Variants in NAA60 observed in about 807,000 individuals in gnomAD.
The protein encoded by NAA60 is N-alpha-acetyltransferase 60.
In NAA60, 8 loss-of-function variants were observed where a neutral mutation model predicts 26.1. The observed-to-expected ratio is 0.31, with a 90% CI of 0.18 to 0.55. The LOEUF is 0.55. Among genes scored for constraint, NAA60 ranks in the 20% least tolerant of loss-of-function variants. The pLI is 0.93. For missense variants in NAA60, 290 were observed against 311.3 expected, an observed-to-expected ratio of 0.93 and a Z score of 0.51; for synonymous variants, 131 against 122.5, an observed-to-expected ratio of 1.07 and a Z score of -0.46.
intron 2 of NAA60, 22 bp downstream of exon 2, chr16:3,448,562 CCTG>C: frequency 6.5e-7 from 1 of 1,531,450 alleles, no homozygotes. Flanking sequence ...CGCTCTGTGT[CCTG>C]CTATTAATGA....
intron 2 of NAA60, chr16:3,450,216 C>T: frequency 2.9e-6 from 1 of 344,638 alleles, no homozygotes; most frequent in Non-Finnish European, 5.2e-6. Flanking sequence ...CTTTTCTGCT[C>T]TTCTGGGAGT....
intron 2 of NAA60, among the ~76,000 whole-genome samples, chr16:3,465,374 C>A (rs765401625): frequency 7.4e-6 from 1 of 134,478 alleles, no homozygotes; most frequent in Non-Finnish European, 1.7e-5. Context: ...GTTTAGCGTT[C>A]TGTCCTTCTC....
At position 3,480,096 on chromosome 16, in the gene NAA60, C is replaced by G. The variant is rs566372737; in HGVS notation, c.240+496C>G. On this transcript the variant is annotated intron_variant, in intron 4 of 7. Transcript: ENST00000407558. ...GGACCCACCTCAGTCTCACTTCAGG[C>G]TAGCAAACCCCAGTCTGAATGTAAA... is the stretch of plus-strand genomic sequence containing the variant. Among the ~76,000 whole-genome samples, 3 of 152,148 alleles carry G rather than the reference C, an allele frequency of 2.0e-5. 1 individual carries two copies. The South Asian group carries it at 6.2e-4, about 32-fold the overall frequency.
intron 2 of NAA60, among the ~76,000 whole-genome samples, chr16:3,464,859 C>G (rs991661742): frequency 6.6e-6 from 1 of 152,210 alleles, no homozygotes; most frequent in African/African-American, 2.4e-5. Flanking sequence ...AAAGGTGATG[C>G]TTTGGCAGCC....
intron 2 of NAA60, among the ~76,000 whole-genome samples, chr16:3,453,923 G>A (rs897259203): frequency 1.3e-5 from 2 of 152,106 alleles, no homozygotes; most frequent in Non-Finnish European, 2.9e-5. Context: ...TAGGGCCATT[G>A]GTGTCCAGGA....
intron 1 of NAA60, among the ~76,000 whole-genome samples, chr16:3,447,986 T>A (rs903902704): frequency 5.9e-5 from 9 of 152,138 alleles, no homozygotes; most frequent in Non-Finnish European, 1.2e-4. Context: ...CAGAGGTGCT[T>A]CCAGAGAAAG....
At chr16:3,462,027 CA>C (rs2035432185) in intron 2 of NAA60, among the ~76,000 whole-genome samples, 1 of 134,668 alleles carries the variant, frequency 7.4e-6, no homozygotes, top group Non-Finnish European at 1.5e-5. Context: ...GTGGAGGTTG[CA>C]GTAAGTTGAG....
chr16:3,458,262 C>A, intron 2 of NAA60: 1 of 898,322 alleles, frequency 1.1e-6, no homozygotes, highest in Non-Finnish European at 1.3e-6. Flanking sequence ...GAGGCCGCGC[C>A]GGGGTCAGGG....
chr16:3,463,085 G>A (rs569919001), intron 2 of NAA60, among the ~76,000 whole-genome samples: 1 of 152,068 alleles, frequency 6.6e-6, no homozygotes, highest in Admixed American at 6.5e-5. Flanking sequence ...ATTTATTTCC[G>A]GGATGAGTGC....
intron 2 of NAA60, among the ~76,000 whole-genome samples, chr16:3,473,777 C>T (rs2150998070): frequency 6.6e-6 from 1 of 152,094 alleles, no homozygotes; most frequent in South Asian, 2.1e-4. Context: ...CACTGTTGCC[C>T]AGCCTGGAGT....
chr16:3,446,907 G>A (rs1567359121), intron 1 of NAA60, among the ~76,000 whole-genome samples: 2 of 151,822 alleles, frequency 1.3e-5, no homozygotes, highest in African/African-American at 4.8e-5. Context: ...CACCGCACCT[G>A]GCCTGCTCAC....
intron 4 of NAA60, among the ~76,000 whole-genome samples, chr16:3,480,596 T>TAA (rs199584965): frequency 2.3e-5 from 3 of 130,000 alleles, no homozygotes; most frequent in Admixed American, 1.6e-4. Flanking sequence ...AGACTTCGTC[T>TAA]AAAAAAAAAA....
intron 3 of NAA60, among the ~76,000 whole-genome samples, chr16:3,477,720 A>G (rs1400733054): frequency 6.6e-6 from 1 of 151,458 alleles, no homozygotes; most frequent in African/African-American, 2.4e-5. Context: ...GCCTGAGGTC[A>G]GGAGTTCGAG....
chr16:3,469,581 G>A (rs1180127717), intron 2 of NAA60, among the ~76,000 whole-genome samples: 2 of 123,132 alleles, frequency 1.6e-5, no homozygotes, highest in Non-Finnish European at 3.6e-5. Context: ...GCCTGGTGGG[G>A]CCTGTCTCTG....
rs940176322 is a variant in NAA60 at position 3,486,244 on chromosome 16, A to G, written c.*984A>G. ...TGTCAGTGCCGCAGGTGCATCACAT[A>G]CTTCTAGCATCCTCTCCACCCTGCA... On this transcript the variant is annotated 3_prime_UTR_variant, in exon 8 of 8. Transcript: ENST00000407558. The G allele has an allele frequency of 1.9e-5, 3 of 155,714 alleles. No individual in the cohort carries two copies. The highest frequency in any genetic ancestry group is 7.2e-5 in the African/African-American group (3 of 41,432). The allele number at this position is 155,714 out of a possible 1,614,324, so 9.6% of individuals were successfully genotyped here.
At chr16:3,459,527 C>G (rs577068359) in intron 2 of NAA60, among the ~76,000 whole-genome samples, 2 of 152,216 alleles carry the variant, frequency 1.3e-5, no homozygotes, top group Non-Finnish European at 2.9e-5. Flanking sequence ...ACAGGTTCAT[C>G]ACAGCAGTGA....
chr16:3,482,406 C>T (rs1045058529), intron 4 of NAA60, 96 bp from the exon 5 acceptor site: 37 of 966,396 alleles, frequency 3.8e-5, no homozygotes, highest in East Asian at 5.2e-5. Flanking sequence ...CTCTGGCTGT[C>T]GTGGGAAGTC....
chr16:3,464,867 G>T (rs1421094735), intron 2 of NAA60, among the ~76,000 whole-genome samples: 1 of 152,218 alleles, frequency 6.6e-6, no homozygotes, highest in Non-Finnish European at 1.5e-5. Context: ...TGCTTTGGCA[G>T]CCACCCTGTT....
At chr16:3,474,777 T>C (rs1357084220) in intron 2 of NAA60, among the ~76,000 whole-genome samples, 1 of 152,234 alleles carries the variant, frequency 6.6e-6, no homozygotes, top group Admixed American at 6.5e-5. Context: ...GACTCCGTCA[T>C]TTCTGTTGGT....
Sources: allele counts gnomAD v4.1 joint callset (sites outside exome capture counted in the v4.1 genomes callset), GRCh38; gene constraint gnomAD v4.1.1; transcripts MANE v1.5; gene names NCBI Gene and HGNC (gene_info 2026-07-23, HGNC 2026-07-21).